The following LCA5 variants were observed in gnomAD, a reference collection of about 807,000 sequenced individuals.
LCA5 encodes lebercilin.
In LCA5, 37 loss-of-function variants were observed where a neutral mutation model predicts 53.0. The ratio of observed to expected loss-of-function variants is 0.70; its 90% CI spans 0.54 to 0.92. The LOEUF (loss-of-function observed/expected upper bound fraction) is 0.92, where lower values mean the gene tolerates loss of function less well. Among genes scored for constraint, LCA5 ranks in the 40% least tolerant of loss-of-function variants. The pLI is 0.00. For synonymous variants in LCA5, 303 were observed against 282.9 expected, an observed-to-expected ratio of 1.07 and a Z score of -0.71; for missense variants, 806 against 790.5, an observed-to-expected ratio of 1.02 and a Z score of -0.23.
Position 79,487,598 on chromosome 6 carries a change from G to C in LCA5, c.1500C>G (p.His500Gln). Residue 500 changes from histidine (H) to glutamine (Q), a missense_variant, in exon 8 of 8, where the codon CAC becomes CAG. His to Gln is a conservative substitution (Grantham distance 24). Coordinates refer to ENST00000369846, the MANE Select transcript of LCA5 (RefSeq NM_001122769.3). ...PLLPDFESKL[H>Q]SPERSPKTYR... is the part of the protein sequence containing the mutation. ...ATGTTTTGGGGCTTCTCTCTGGGGA[G>C]TGTAGTTTTGATTCAAAATCAGGTA... 1 of 1,614,004 alleles carries C rather than the reference G, an allele frequency of 6.2e-7. No homozygotes were observed. Among genetic ancestry groups the C allele is most frequent in the Non-Finnish European group, 8.5e-7 (1 of 1,179,910 alleles).
At chr6:79,495,186 G>A (rs1345299178) in intron 3 of LCA5, among the ~76,000 whole-genome samples, 4 of 152,148 alleles carry the variant, frequency 2.6e-5, no homozygotes, top group Non-Finnish European at 5.9e-5. Flanking sequence ...TCTAAGTTGT[G>A]CTCTTCTTAT....
chr6:79,533,203 T>C (rs919758397), intron 1 of LCA5, among the ~76,000 whole-genome samples: 8 of 152,138 alleles, frequency 5.3e-5, no homozygotes, highest in Non-Finnish European at 1.2e-4. Flanking sequence ...CATAATACTA[T>C]TGAATGAATA....
intron 1 of LCA5, chr6:79,525,295 A>C (rs781476585): frequency 6.6e-6 from 1 of 152,232 alleles, no homozygotes; most frequent in Non-Finnish European, 1.5e-5. Context: ...AAGAGAAGGA[A>C]AGGAAATGAG....
chr6:79,507,201 C>G (rs905942439), intron 3 of LCA5, among the ~76,000 whole-genome samples: 3 of 151,916 alleles, frequency 2.0e-5, no homozygotes, highest in African/African-American at 7.3e-5. Context: ...CCCTATTAAG[C>G]CAGGCATTAA....
chr6:79,524,703 G>C (rs1262813803), intron 1 of LCA5, among the ~76,000 whole-genome samples: 2 of 151,944 alleles, frequency 1.3e-5, no homozygotes, highest in African/African-American at 4.8e-5. Context: ...TCCTTTATAG[G>C]TTATCTTTTT....
chr6:79,517,318 C>T (rs1206726228), intron 2 of LCA5, among the ~76,000 whole-genome samples: 1 of 152,034 alleles, frequency 6.6e-6, no homozygotes, highest in East Asian at 1.9e-4. Flanking sequence ...TAAGGTAAGG[C>T]TTACAAAGTT....
At chr6:79,527,448 TA>T (rs1337070653) in intron 1 of LCA5, among the ~76,000 whole-genome samples, 9 of 152,248 alleles carry the variant, frequency 5.9e-5, no homozygotes, top group African/African-American at 2.2e-4. Context: ...CACCACAAAC[TA>T]TAAGATTTAA....
At chr6:79,515,413 TA>T (rs1445952565) in intron 2 of LCA5, among the ~76,000 whole-genome samples, 1 of 152,080 alleles carries the variant, frequency 6.6e-6, no homozygotes, top group Admixed American at 6.6e-5. Context: ...AATCACATCC[TA>T]AAAAATATAA....
At chr6:79,538,666 AG>A (rs1160860715), upstream of LCA5, among the ~76,000 whole-genome samples, 4 of 152,208 alleles carry the variant, frequency 2.6e-5, no homozygotes, top group African/African-American at 7.2e-5. Flanking sequence ...TTACTTATAA[AG>A]GAAGTTGCTA....
At chr6:79,529,673 T>C (rs1766897864) in intron 1 of LCA5, among the ~76,000 whole-genome samples, 1 of 152,042 alleles carries the variant, frequency 6.6e-6, no homozygotes, top group Admixed American at 6.5e-5. Context: ...ATTGCGGCAC[T>C]ACTCACAATA....
At chr6:79,505,117 T>C (rs1770241585) in intron 3 of LCA5, among the ~76,000 whole-genome samples, 3 of 152,184 alleles carry the variant, frequency 2.0e-5, no homozygotes, top group Admixed American at 2.0e-4. Flanking sequence ...GTGCTTGTAT[T>C]ACTTTTTCAA....
intron 3 of LCA5, among the ~76,000 whole-genome samples, chr6:79,498,040 A>G (rs139579443): frequency 8.5e-5 from 13 of 152,154 alleles, no homozygotes; most frequent in Non-Finnish European, 1.6e-4. Context: ...AAATCATTAT[A>G]TAAGTGTAAA....
At chr6:79,488,338 G>T in intron 7 of LCA5, 1 of 156,636 alleles carries the variant, frequency 6.4e-6, no homozygotes. Context: ...TTTAAAAATG[G>T]GTCTATATTC....
chr6:79,503,305 G>A (rs530615576), intron 3 of LCA5, among the ~76,000 whole-genome samples: 43 of 152,330 alleles, frequency 2.8e-4, no homozygotes, highest in African/African-American at 1.0e-3. Context: ...GTTGCTTCAA[G>A]TTGTTAGGCA....
At chr6:79,529,466 A>G (rs1766890125) in intron 1 of LCA5, among the ~76,000 whole-genome samples, 1 of 152,126 alleles carries the variant, frequency 6.6e-6, no homozygotes. Context: ...GGGTCAGCCA[A>G]TAAAAGGGAA....
At position 79,504,602 on chromosome 6, in the gene LCA5, C is replaced by T. The variant is rs546301705; in HGVS notation, c.720+8610G>A. On this transcript the variant is annotated intron_variant, in intron 3 of 7. Transcript: ENST00000369846. ...CTGTGACTGGTACAAGAGTATCTAACAGTCTGTTTACATATCCAGTTAGAT... is the reference window on the plus strand; with the variant it reads ...CTGTGACTGGTACAAGAGTATCTAATAGTCTGTTTACATATCCAGTTAGAT... Among the ~76,000 whole-genome samples, 3 of 152,258 alleles carry T rather than the reference C, an allele frequency of 2.0e-5. No homozygotes were observed. In the South Asian group the frequency reaches 6.2e-4, roughly 32 times the overall value.
intron 4 of LCA5, 94 bp from the exon 5 acceptor site, chr6:79,492,741 T>C: frequency 2.9e-6 from 2 of 698,052 alleles, no homozygotes; most frequent in East Asian, 5.5e-5. Context: ...TCTTACCATA[T>C]TGAAAGTTAC....
rs750992370 is a variant in LCA5, at chr6:79,518,759, C to A, written c.136G>T (p.Val46Phe). The change falls in exon 2 of 8, where the codon GTT (valine) becomes TTT (phenylalanine). Residue 46 changes from valine (V) to phenylalanine (F), a missense_variant. Transcript: ENST00000369846. ...TGTCTTTTAGGATTTTTTCTCCTAACACTTGCAGGTGAAGAACTGACCAGC... is the reference window on the plus strand; with the variant it reads ...TGTCTTTTAGGATTTTTTCTCCTAAAACTTGCAGGTGAAGAACTGACCAGC... Reference protein sequence around the residue: ...SSLVSSSPASVRRKNPKRQTS... With the variant: ...SSLVSSSPASFRRKNPKRQTS... The A allele has an allele frequency of 1.2e-6, 2 of 1,614,100 alleles. No homozygotes were observed. Among genetic ancestry groups the A allele is most frequent in the Non-Finnish European group, 1.7e-6 (2 of 1,180,002 alleles).
intron 3 of LCA5, among the ~76,000 whole-genome samples, chr6:79,508,225 G>T (rs1770320514): frequency 6.6e-6 from 1 of 152,106 alleles, no homozygotes; most frequent in Non-Finnish European, 1.5e-5. Flanking sequence ...TACAAGATAG[G>T]CTGTAATTTC....
Sources: gnomAD v4.1 joint callset for allele counts (sites outside exome capture counted in the v4.1 genomes callset) on GRCh38, gnomAD v4.1.1 for gene constraint, MANE v1.5 for transcripts, NCBI Gene and HGNC (gene_info 2026-07-23, HGNC 2026-07-21) for gene names.